SSPN: variants seen among roughly 807,000 people sequenced by gnomAD.
The protein encoded by SSPN is K-ras oncogene-associated protein.
In SSPN, 15 loss-of-function variants were observed where a neutral mutation model predicts 19.1. The observed-to-expected ratio is 0.78, with a 90% CI of 0.52 to 1.21. The LOEUF is 1.21. Ranked by LOEUF, SSPN falls within the 50% of genes most tolerant of loss-of-function variation. SSPN has a pLI of 0.00. For missense variants in SSPN, 291 were observed against 314.0 expected (o/e 0.93, Z 0.55); for synonymous variants, 147 against 140.3 (o/e 1.05, Z -0.34).
intron 1 of SSPN, among the ~76,000 whole-genome samples, chr12:26,128,226 T>TTGTG (rs376541681): frequency 2.6e-5 from 4 of 151,468 alleles, no homozygotes; most frequent in African/African-American, 9.7e-5. Flanking sequence ...GTGTGCACAT[T>TTGTG]TGTGTGTGTG....
intron 1 of SSPN, among the ~76,000 whole-genome samples, chr12:26,216,000 C>T (rs1421362583): frequency 2.6e-5 from 4 of 152,170 alleles, no homozygotes; most frequent in African/African-American, 9.7e-5. Flanking sequence ...TCAGTTTTCT[C>T]TCCCTTGAAA....
chr12:26,122,586 G>A (rs1444487429), intron 1 of SSPN: 1 of 1,107,212 alleles, frequency 9.0e-7, no homozygotes, highest in East Asian at 5.1e-5. Flanking sequence ...GGCCGCGGCG[G>A]CAGGGTCGGG....
Position 26,231,075 on chromosome 12 carries a change from A to G in SSPN, c.731A>G (p.Ter244=), listed in dbSNP as rs1420949622. The G allele has an allele frequency of 6.2e-6, 10 of 1,609,306 alleles. No individual in the cohort carries two copies. The Admixed American group carries it at 1.7e-4, about 27-fold the overall frequency. Reference sequence around the variant, plus strand: ...TCCGAAGGCCCCCAGCAAAAGATCTAACATTCTTGCTCAAAGTTGCGAGAG... The same window carrying G: ...TCCGAAGGCCCCCAGCAAAAGATCTGACATTCTTGCTCAAAGTTGCGAGAG... ...TASEGPQQKI[*] Residue 244 remains the stop codon, a stop_retained_variant, in exon 3 of 3, where the codon TAA becomes TGA. Coordinates refer to ENST00000242729, the MANE Select transcript of SSPN (RefSeq NM_005086.5).
intron 1 of SSPN, among the ~76,000 whole-genome samples, chr12:26,202,231 T>C (rs1403864402): frequency 6.6e-6 from 1 of 152,200 alleles, no homozygotes; most frequent in Non-Finnish European, 1.5e-5. Context: ...ATGTTTTTGA[T>C]CCGTGGTTGA....
At chr12:26,186,200 A>T (rs1944752893) in intron 1 of SSPN, among the ~76,000 whole-genome samples, 1 of 92,656 alleles carries the variant, frequency 1.1e-5, no homozygotes, top group African/African-American at 7.7e-5. Flanking sequence ...TGCATCAGGA[A>T]TGTTAAAAAA....
upstream of SSPN, among the ~76,000 whole-genome samples, chr12:26,191,602 G>A (rs1389681164): frequency 2.0e-5 from 3 of 151,622 alleles, no homozygotes; most frequent in African/African-American, 7.3e-5. Context: ...AAAAAATTAA[G>A]CCCAAAGGCA....
intron 1 of SSPN, among the ~76,000 whole-genome samples, chr12:26,137,785 C>T (rs1944437167): frequency 6.7e-6 from 1 of 150,252 alleles, no homozygotes; most frequent in Non-Finnish European, 1.5e-5. Flanking sequence ...CTACCTCAGC[C>T]TCCCGAGTAG....
intron 1 of SSPN, among the ~76,000 whole-genome samples, chr12:26,171,486 G>A (rs573286311): frequency 6.6e-6 from 1 of 152,256 alleles, no homozygotes; most frequent in East Asian, 1.9e-4. Context: ...TTTTTAATGT[G>A]TACAGTGGAA....
chr12:26,228,422 G>A (rs1301759806), intron 2 of SSPN, among the ~76,000 whole-genome samples: 2 of 151,716 alleles, frequency 1.3e-5, no homozygotes, highest in African/African-American at 4.8e-5. Flanking sequence ...GTATGTTAGA[G>A]GTAGGAAGGT....
intron 1 of SSPN, among the ~76,000 whole-genome samples, chr12:26,173,258 A>G (rs1024987640): frequency 3.3e-5 from 5 of 152,128 alleles, no homozygotes; most frequent in African/African-American, 9.7e-5. Context: ...CGTGGGGACA[A>G]ATGTCAGGGT....
In SSPN at chr12:26,232,717, A is replaced by G. The variant is rs771903273; in HGVS notation, c.*1641A>G. 37 of 984,576 alleles carry G rather than the reference A, an allele frequency of 3.8e-5. No homozygotes were observed. Among genetic ancestry groups the G allele is most frequent in the Non-Finnish European group, 4.3e-5 (36 of 829,338 alleles). 61.0% of individuals were successfully genotyped at this position (984,576 alleles called of 1,614,324 possible). On this transcript the variant is annotated 3_prime_UTR_variant, in exon 3 of 3. Transcript: ENST00000242729. ...AGCTAGAGGATTGTAAATATCTTTT[A>G]TGTCCTCTAGATAAAACACCCGATT...
intron 1 of SSPN, among the ~76,000 whole-genome samples, chr12:26,201,007 TTG>T (rs200802853): frequency 0.47 from 42,270 of 89,216 alleles, 10,786 homozygotes; most frequent in South Asian, 0.61. Flanking sequence ...AGAAGTTAAT[TTG>T]TGTATATATA....
At chr12:26,123,774 G>A (rs774032866) in intron 1 of SSPN, 24 of 1,443,920 alleles carry the variant, frequency 1.7e-5, no homozygotes, top group Non-Finnish European at 2.2e-5. Flanking sequence ...CGGGCACTTG[G>A]TTACTTAAAA....
chr12:26,174,062 C>G (rs1446953642), intron 1 of SSPN, among the ~76,000 whole-genome samples: 2 of 151,970 alleles, frequency 1.3e-5, no homozygotes, highest in African/African-American at 4.8e-5. Context: ...TAAAAGCATC[C>G]CAGGGAGGAA....
chr12:26,203,183 G>A (rs1944901508), intron 1 of SSPN, among the ~76,000 whole-genome samples: 1 of 152,094 alleles, frequency 6.6e-6, no homozygotes, highest in Admixed American at 6.5e-5. Flanking sequence ...GATTTGGGTG[G>A]GGACACAGAA....
intron 1 of SSPN, among the ~76,000 whole-genome samples, chr12:26,197,584 C>G (rs1049694641): frequency 2.0e-5 from 3 of 152,116 alleles, no homozygotes; most frequent in Admixed American, 2.0e-4. Flanking sequence ...AGCTCAGCAC[C>G]AAAGAGGCAA....
Position 26,184,473 on chromosome 12 carries a change from G to A in SSPN, c.-30-39820G>A, listed in dbSNP as rs139012587. ...AAGACACAGTTCAATGGCCTCAATA[G>A]TTAGGAAAATCTTCACAGAGAAAGT... On this transcript the variant is annotated intron_variant, in intron 1 of 2. Coordinates refer to the SSPN transcript ENST00000538142. 7.7e-4 allele frequency among the ~76,000 whole-genome samples: 118 copies of A among 152,328 alleles called. 1 individual carries two copies. The highest frequency in any genetic ancestry group is 2.8e-3 in the African/African-American group (116 of 41,574).
chr12:26,195,782 A>G lies in SSPN; in HGVS notation c.110A>G (p.Lys37Arg), dbSNP rs768448896. Residue 37 changes from lysine (K) to arginine (R), a missense_variant, in exon 1 of 3, where the codon AAG (lysine) becomes AGG (arginine). This residue lies in a region of SSPN where 139 missense variants were observed against 119.6 expected (regional missense o/e 1.16). Transcript: ENST00000242729. ...CCGAAGAAGGGCACGGGGGCCCCCAAGGAGTGCGGGGAGGAGGAGCCCCGG... is the reference window on the plus strand; with the variant it reads ...CCGAAGAAGGGCACGGGGGCCCCCAGGGAGTGCGGGGAGGAGGAGCCCCGG... ...MEPKKGTGAP[K>R]ECGEEEPRTC... 6.6e-6 allele frequency: 10 copies of G among 1,519,134 alleles called. No homozygotes were observed. In the African/African-American group the frequency reaches 7.1e-5, roughly 11 times the overall value. The allele number at this position is 1,519,134 out of a possible 1,614,324, so 94.1% of individuals were successfully genotyped here. A position where few individuals can be genotyped will look rare whatever the true frequency, so the allele number is the denominator to read the frequency against.
At chr12:26,183,644 A>G (rs931390604) in intron 1 of SSPN, among the ~76,000 whole-genome samples, 12 of 152,252 alleles carry the variant, frequency 7.9e-5, no homozygotes, top group Non-Finnish European at 1.6e-4. Context: ...AAATTAGGGA[A>G]GATGTTGATA....
Sources: gnomAD v4.1 joint callset for allele counts (sites outside exome capture counted in the v4.1 genomes callset) on GRCh38, gnomAD v4.1.1 for gene constraint, gnomAD v4.1.1 regional missense constraint, MANE v1.5 for transcripts, NCBI Gene and HGNC (gene_info 2026-07-23, HGNC 2026-07-21) for gene names.